SBF2: variants seen among roughly 807,000 people sequenced by gnomAD.
The protein encoded by SBF2 is SET binding factor 2.
In SBF2, 112 loss-of-function variants were observed where a neutral mutation model predicts 225.2. The ratio of observed to expected loss-of-function variants is 0.50; its 90% CI spans 0.43 to 0.58. The LOEUF (loss-of-function observed/expected upper bound fraction) is 0.58. Ranked by LOEUF, SBF2 falls within the 20% of genes least tolerant of loss-of-function variation. The pLI, the probability that SBF2 is intolerant of heterozygous loss-of-function variation, is 0.00. For missense variants in SBF2, 1,996 were observed against 2,206.2 expected (o/e 0.90, Z 1.91); for synonymous variants, 763 against 773.3 (o/e 0.99, Z 0.22).
intron 16 of SBF2, among the ~76,000 whole-genome samples, chr11:9,923,483 C>T (rs1055573212): frequency 6.6e-6 from 1 of 152,188 alleles, no homozygotes; most frequent in African/African-American, 2.4e-5. Flanking sequence ...AAATGTAATT[C>T]TTAGAAACAT....
At chr11:9,940,840 AAATT>A (rs1238354831) in intron 16 of SBF2, among the ~76,000 whole-genome samples, 1 of 152,166 alleles carries the variant, frequency 6.6e-6, no homozygotes, top group East Asian at 1.9e-4. Flanking sequence ...GATAGAAAAG[AAATT>A]AATTAGACAG....
chr11:10,063,009 A>G (rs1950502037), intron 2 of SBF2, among the ~76,000 whole-genome samples: 1 of 152,216 alleles, frequency 6.6e-6, no homozygotes, highest in African/African-American at 2.4e-5. Context: ...ATGCAGCCAT[A>G]AAAAAGAAAG....
In SBF2 at chr11:9,895,802, A is replaced by G. The variant is rs1861205861; in HGVS notation, c.1929+141T>C. On this transcript the variant is annotated intron_variant, in intron 17 of 39. Coordinates refer to ENST00000256190, the MANE Select transcript of SBF2 (RefSeq NM_030962.4). ...AATTTCCTACACATAGCATGCAATAAATGTTATAATAAATATAACCGCAGA... is the reference window on the plus strand; with the variant it reads ...AATTTCCTACACATAGCATGCAATAGATGTTATAATAAATATAACCGCAGA... 2.7e-5 allele frequency: 19 copies of G among 707,136 alleles called. No individual in the cohort carries two copies. The East Asian group carries it at 5.0e-4, about 19-fold the overall frequency. The allele number at this position is 707,136 out of a possible 1,614,324, so 43.8% of individuals were successfully genotyped here.
intron 17 of SBF2, among the ~76,000 whole-genome samples, chr11:9,888,534 T>C (rs558412451): frequency 1.3e-5 from 2 of 151,724 alleles, no homozygotes; most frequent in South Asian, 2.1e-4. Context: ...ATATGAATAT[T>C]TGAAACTTAT....
chr11:10,174,273 G>C (rs1956355782), intron 2 of SBF2, among the ~76,000 whole-genome samples: 1 of 152,170 alleles, frequency 6.6e-6, no homozygotes, highest in Admixed American at 6.5e-5. Flanking sequence ...AAAAAGTTTA[G>C]AAGAATGTAT....
chr11:10,222,810 A>C (rs1283515699), intron 1 of SBF2, among the ~76,000 whole-genome samples: 1 of 152,202 alleles, frequency 6.6e-6, no homozygotes, highest in East Asian at 1.9e-4. Flanking sequence ...CTTGGCGATG[A>C]CCCTGAGCAG....
intron 28 of SBF2, chr11:9,828,080 T>C: frequency 1.8e-6 from 2 of 1,142,322 alleles, no homozygotes; most frequent in Non-Finnish European, 2.3e-6. Context: ...TGCTTTCTGC[T>C]TTTAAGCTTG....
intron 17 of SBF2, among the ~76,000 whole-genome samples, chr11:9,868,492 T>G (rs1285620608): frequency 6.6e-6 from 1 of 151,854 alleles, no homozygotes; most frequent in Admixed American, 6.6e-5. Context: ...CACTCCAGCC[T>G]GGGCAACAGA....
chr11:10,252,210 A>G (rs1238380344), intron 1 of SBF2, among the ~76,000 whole-genome samples: 1 of 152,260 alleles, frequency 6.6e-6, no homozygotes, highest in Non-Finnish European at 1.5e-5. Context: ...TCAAGACCAA[A>G]TAAGTACATT....
chr11:9,801,253 A>T (rs1853475713), intron 32 of SBF2, among the ~76,000 whole-genome samples: 1 of 152,238 alleles, frequency 6.6e-6, no homozygotes, highest in African/African-American at 2.4e-5. Flanking sequence ...AAAAGACTAA[A>T]CTGCATGAAG....
At chr11:10,285,967 C>G (rs999633218) in intron 1 of SBF2, among the ~76,000 whole-genome samples, 3 of 152,096 alleles carry the variant, frequency 2.0e-5, no homozygotes, top group Admixed American at 2.0e-4. Flanking sequence ...CAGGAAAACG[C>G]AAATTAAAAC....
chr11:10,229,689 A>C lies in SBF2; in HGVS notation c.56-35702T>G, dbSNP rs540122430. Among the ~76,000 whole-genome samples the C allele has an allele frequency of 5.4e-4, 82 of 152,248 alleles. 1 individual carries two copies. In the South Asian group the frequency reaches 0.017, roughly 31 times the overall value. On this transcript the variant is annotated intron_variant, in intron 1 of 39. Coordinates refer to ENST00000256190, the MANE Select transcript of SBF2 (RefSeq NM_030962.4). ...TGTGGTCTGAGAGATAGTTTCTGAT[A>C]ATTTCTGTTCTTTTACATTTGCTGA...
At chr11:9,897,137 G>C (rs1861328526) in intron 16 of SBF2, among the ~76,000 whole-genome samples, 1 of 152,096 alleles carries the variant, frequency 6.6e-6, no homozygotes, top group Non-Finnish European at 1.5e-5. Context: ...ACAGATAAGT[G>C]AATAAACACA....
intron 1 of SBF2, among the ~76,000 whole-genome samples, chr11:10,232,605 C>T (rs1270929214): frequency 2.0e-5 from 3 of 150,262 alleles, no homozygotes; most frequent in East Asian, 1.9e-4. Flanking sequence ...GCTCTGTCAC[C>T]GAGGCTGGAG....
At chr11:10,216,318 G>C (rs1392461398) in intron 1 of SBF2, among the ~76,000 whole-genome samples, 1 of 152,208 alleles carries the variant, frequency 6.6e-6, no homozygotes, top group Non-Finnish European at 1.5e-5. Flanking sequence ...TCCTTACACT[G>C]AGTCAAAATC....
At chr11:10,132,078 A>G (rs1297011627) in intron 2 of SBF2, among the ~76,000 whole-genome samples, 4 of 152,066 alleles carry the variant, frequency 2.6e-5, no homozygotes, top group African/African-American at 4.8e-5. Context: ...TTTTTTGTCT[A>G]TGGATATCCA....
At chr11:9,995,809 C>A (rs1392076446) in intron 9 of SBF2, among the ~76,000 whole-genome samples, 6 of 131,696 alleles carry the variant, frequency 4.6e-5, no homozygotes, top group African/African-American at 1.7e-4. Context: ...ACCACCACAC[C>A]CGGCTAATTT....
chr11:9,803,964 G>A (rs1044907546), intron 32 of SBF2, among the ~76,000 whole-genome samples: 3 of 152,156 alleles, frequency 2.0e-5, no homozygotes, highest in South Asian at 4.1e-4. Flanking sequence ...AACCCAGAAA[G>A]GCTCAGGGCA....
At chr11:10,231,475 G>A (rs996031026) in intron 1 of SBF2, among the ~76,000 whole-genome samples, 8 of 152,074 alleles carry the variant, frequency 5.3e-5, no homozygotes. Context: ...GTGATGTACA[G>A]ATGGGTTTTT....
Sources: allele counts gnomAD v4.1 joint callset (sites outside exome capture counted in the v4.1 genomes callset), GRCh38; gene constraint gnomAD v4.1.1; transcripts MANE v1.5; gene names NCBI Gene and HGNC (gene_info 2026-07-23, HGNC 2026-07-21).